The following FARP1 variants were observed in gnomAD, a reference collection of about 807,000 sequenced individuals.
The protein encoded by FARP1 is FERM, ARHGEF and pleckstrin domain-containing protein 1.
In FARP1, 52 loss-of-function variants were observed where a neutral mutation model predicts 128.8. That is an observed-to-expected ratio of 0.40 (90% CI 0.32 to 0.51). FARP1 has a LOEUF of 0.51. FARP1 is among the 20% of genes least tolerant of loss of function. The pLI is 0.45. For missense variants in FARP1, 1,333 were observed against 1,367.9 expected, an observed-to-expected ratio of 0.97 and a Z score of 0.40; for synonymous variants, 580 against 551.8, an observed-to-expected ratio of 1.05 and a Z score of -0.72.
chr13:98,169,168 C>T (rs1183891489), intron 1 of FARP1, among the ~76,000 whole-genome samples: 2 of 152,052 alleles, frequency 1.3e-5, no homozygotes, highest in African/African-American at 4.8e-5. Flanking sequence ...CCATTCAGTT[C>T]CCCCATCATC....
intron 3 of FARP1, among the ~76,000 whole-genome samples, chr13:98,360,567 A>C (rs1387163037): frequency 6.6e-6 from 1 of 152,222 alleles, no homozygotes; most frequent in Non-Finnish European, 1.5e-5. Flanking sequence ...AGGAGAACCC[A>C]CAGCTGCTGG....
intron 1 of FARP1, among the ~76,000 whole-genome samples, chr13:98,166,620 C>T (rs1877279299): frequency 6.6e-6 from 1 of 152,082 alleles, no homozygotes; most frequent in Non-Finnish European, 1.5e-5. Context: ...GCTGTTGGCT[C>T]TTAATCACTG....
chr13:98,237,113 T>G (rs1378031254), intron 2 of FARP1, among the ~76,000 whole-genome samples: 1 of 152,108 alleles, frequency 6.6e-6, no homozygotes, highest in African/African-American at 2.4e-5. Flanking sequence ...AAGACCAGCC[T>G]GACCAACATG....
chr13:98,444,901 A>G (rs1031996008), intron 24 of FARP1, among the ~76,000 whole-genome samples: 3 of 152,218 alleles, frequency 2.0e-5, no homozygotes, highest in Non-Finnish European at 2.9e-5. Flanking sequence ...GGCCACCACC[A>G]GGACCTTCTG....
intron 26 of FARP1, 42 bp downstream of exon 26, chr13:98,446,859 A>G (rs200001802): frequency 6.3e-7 from 1 of 1,595,718 alleles, no homozygotes; most frequent in East Asian, 2.2e-5. Context: ...GCAGAAGAGG[A>G]CCCCCTCTTC....
chr13:98,161,033 G>T (rs192478824), intron 1 of FARP1, among the ~76,000 whole-genome samples: 15 of 151,960 alleles, frequency 9.9e-5, no homozygotes, highest in Non-Finnish European at 1.8e-4. Flanking sequence ...GCAGTTTTAG[G>T]TTCTCAGCAA....
chr13:98,145,180 T>C (rs569439561), intron 1 of FARP1, among the ~76,000 whole-genome samples: 1 of 152,266 alleles, frequency 6.6e-6, no homozygotes, highest in East Asian at 1.9e-4. Context: ...CAGAATCTCT[T>C]ACTTGTTTCT....
In FARP1 at chr13:98,453,531, A is replaced by C; in HGVS notation, c.*5214A>C. On this transcript the variant is annotated 3_prime_UTR_variant, in exon 27 of 27. Coordinates refer to ENST00000319562, the MANE Select transcript of FARP1 (RefSeq NM_005766.4). Reference sequence around the variant, plus strand: ...TCAAAAAGTGAACATTGATCCATACATGATGACACAGTAAGATTCCAGGGA... The same window carrying C: ...TCAAAAAGTGAACATTGATCCATACCTGATGACACAGTAAGATTCCAGGGA... 3.8e-6 allele frequency: 1 copy of C among 264,678 alleles called. No homozygotes were observed. Among genetic ancestry groups the C allele is most frequent in the Non-Finnish European group, 7.1e-6 (1 of 139,944 alleles). 16.4% of individuals were successfully genotyped at this position (264,678 alleles called of 1,614,324 possible). A position where few individuals can be genotyped will look rare whatever the true frequency, so the allele number is the denominator to read the frequency against.
intron 19 of FARP1, chr13:98,437,942 C>A: frequency 1.8e-6 from 2 of 1,123,786 alleles, no homozygotes; most frequent in South Asian, 2.5e-5. Context: ...CACATCCACT[C>A]ATTGTTTCAA....
At chr13:98,308,033 C>CTTTTTTTT (rs10536692) in intron 2 of FARP1, among the ~76,000 whole-genome samples, 9 of 16,962 alleles carry the variant, frequency 5.3e-4, no homozygotes, top group African/African-American at 7.5e-4. Context: ...CACTCTCTCT[C>CTTTTTTTT]TTTTTTTTTT....
chr13:98,251,366 G>A (rs992556602), intron 2 of FARP1, among the ~76,000 whole-genome samples: 5 of 152,162 alleles, frequency 3.3e-5, no homozygotes, highest in African/African-American at 1.2e-4. Context: ...AGATATAGAC[G>A]ACTTTATTTG....
chr13:98,425,204 C>CAA (rs367983342), intron 17 of FARP1, among the ~76,000 whole-genome samples: 4 of 137,928 alleles, frequency 2.9e-5, no homozygotes, highest in South Asian at 4.5e-4. Context: ...TTCAAAACTT[C>CAA]AAAAAAAAAA....
At chr13:98,243,775 G>C (rs954896729) in intron 2 of FARP1, among the ~76,000 whole-genome samples, 3 of 150,970 alleles carry the variant, frequency 2.0e-5, no homozygotes, top group African/African-American at 7.3e-5. Context: ...TTCCAGCAGG[G>C]TTAAAGATTG....
At position 98,448,918 on chromosome 13, in the gene FARP1, C is replaced by A. The variant is rs536119027; in HGVS notation, c.*601C>A. The A allele has an allele frequency of 6.6e-6, 1 of 152,318 alleles. No individual in the cohort carries two copies. Among genetic ancestry groups the A allele is most frequent in the East Asian group, 1.9e-4 (1 of 5,184 alleles). The allele number at this position is 152,318 out of a possible 1,614,324, so 9.4% of individuals were successfully genotyped here. A position where few individuals can be genotyped will look rare whatever the true frequency, so the allele number is the denominator to read the frequency against. ...GTTCCACTGCGGGGTTTCACGCTCA[C>A]CTGAAAACACCTGTTCCCAACCTAC... On this transcript the variant is annotated 3_prime_UTR_variant, in exon 27 of 27. Transcript: ENST00000319562.
intron 2 of FARP1, among the ~76,000 whole-genome samples, chr13:98,247,317 T>C (rs1439014800): frequency 6.6e-6 from 1 of 152,202 alleles, no homozygotes; most frequent in Non-Finnish European, 1.5e-5. Context: ...GCCCAGGGTG[T>C]GTACTCTGTT....
At position 98,214,206 on chromosome 13, in the gene FARP1, G is replaced by C. The variant is rs551417761; in HGVS notation, c.171+793G>C. On this transcript the variant is annotated intron_variant, in intron 2 of 26. Transcript: ENST00000319562. ...CCTCCTCAGATCGCTCCTGCGGGAG[G>C]ATGAGAAGCTGCCGCCTGCTTCGTG... Among the ~76,000 whole-genome samples, 5 of 152,322 alleles carry C rather than the reference G, an allele frequency of 3.3e-5. No individual in the cohort carries two copies. The South Asian group carries it at 8.3e-4, about 25-fold the overall frequency.
intron 13 of FARP1, chr13:98,404,043 A>ACTGCTACTACCAC (rs1890885305): frequency 6.5e-6 from 1 of 154,356 alleles, no homozygotes; most frequent in Non-Finnish European, 1.5e-5. Context: ...GCTACTACCA[A>ACTGCTACTACCAC]CATCACCACC....
chr13:98,208,339 A>C (rs1220194890), intron 1 of FARP1, among the ~76,000 whole-genome samples: 1 of 150,448 alleles, frequency 6.6e-6, no homozygotes, highest in African/African-American at 2.4e-5. Context: ...AAAGCCGGGC[A>C]TGGTGGTGGG....
At chr13:98,345,880 A>G (rs542863786) in intron 3 of FARP1, among the ~76,000 whole-genome samples, 5 of 152,368 alleles carry the variant, frequency 3.3e-5, no homozygotes, top group African/African-American at 7.2e-5. Context: ...AGAACTTCAT[A>G]TAACAGGAAG....
Sources: allele counts gnomAD v4.1 joint callset (sites outside exome capture counted in the v4.1 genomes callset), GRCh38; gene constraint gnomAD v4.1.1; transcripts MANE v1.5; gene names NCBI Gene and HGNC (gene_info 2026-07-23, HGNC 2026-07-21).